The following PIK3R4 variants were observed in gnomAD, a reference collection of about 807,000 sequenced individuals.
PIK3R4 encodes the protein phosphoinositide-3-kinase regulatory subunit 4.
Under a neutral mutation model 136.5 loss-of-function variants are expected in PIK3R4, and 46 were observed. The ratio of observed to expected loss-of-function variants is 0.34; its 90% CI spans 0.27 to 0.43. The LOEUF (loss-of-function observed/expected upper bound fraction) is 0.43. Among genes scored for constraint, PIK3R4 ranks in the 20% least tolerant of loss-of-function variants. The probability of loss-of-function intolerance (pLI) is 1.00; values close to 1 mark genes in which losing one functional copy is unlikely to be tolerated. For synonymous variants in PIK3R4, 557 were observed against 566.7 expected, an observed-to-expected ratio of 0.98 and a Z score of 0.24; for missense variants, 1,331 against 1,649.5, an observed-to-expected ratio of 0.81 and a Z score of 3.35.
chr3:130,741,639 T>G (rs76975882), intron 2 of PIK3R4, among the ~76,000 whole-genome samples: 3,673 of 152,232 alleles, frequency 0.024, 138 homozygotes, highest in East Asian at 0.1. Flanking sequence ...TATCTTAAAG[T>G]AGTGCCCTAC....
chr3:130,713,216 T>C (rs2066642254), intron 9 of PIK3R4, among the ~76,000 whole-genome samples: 1 of 152,212 alleles, frequency 6.6e-6, no homozygotes, highest in Admixed American at 6.5e-5. Context: ...TGGCCTGCTC[T>C]CCCTTCTACT....
intron 13 of PIK3R4, among the ~76,000 whole-genome samples, chr3:130,694,682 TTTAA>T (rs2066536648): frequency 6.6e-6 from 1 of 152,136 alleles, no homozygotes; most frequent in African/African-American, 2.4e-5. Flanking sequence ...ACAATTATTG[TTTAA>T]TTATTGCTAA....
chr3:130,743,815 C>G (rs1179940518), intron 2 of PIK3R4, among the ~76,000 whole-genome samples: 3 of 152,234 alleles, frequency 2.0e-5, no homozygotes, highest in Non-Finnish European at 4.4e-5. Flanking sequence ...AAAATTCACT[C>G]TCCATGCTCC....
At chr3:130,737,937 A>G (rs1426677078) in intron 2 of PIK3R4, among the ~76,000 whole-genome samples, 1 of 152,250 alleles carries the variant, frequency 6.6e-6, no homozygotes, top group Non-Finnish European at 1.5e-5. Context: ...TCAAAAAATC[A>G]TAAGCTGAAC....
Position 130,744,628 on chromosome 3 carries a change from A to G in PIK3R4, c.591T>C (p.Ile197=). ...CACCATCAACAAAACGTTCAGGAGC[A>G]ATATAGCAAGTTCTCCTCCGTGATG... ...FDTSRRRTCY[I]APERFVDGGM... Residue 197 remains isoleucine (I), a synonymous_variant, in exon 2 of 20, where the codon ATT becomes ATC. Transcript: ENST00000356763. The G allele has an allele frequency of 6.2e-7, 1 of 1,614,264 alleles. No individual in the cohort carries two copies. The highest frequency in any genetic ancestry group is 8.5e-7 in the Non-Finnish European group (1 of 1,180,058).
At chr3:130,736,333 C>G (rs1013571773) in intron 2 of PIK3R4, among the ~76,000 whole-genome samples, 1 of 152,168 alleles carries the variant, frequency 6.6e-6, no homozygotes, top group African/African-American at 2.4e-5. Flanking sequence ...CTTTGGGAGG[C>G]CAAGGCCAGC....
intron 1 of PIK3R4, among the ~76,000 whole-genome samples, chr3:130,745,950 G>C (rs907363797): frequency 1.3e-5 from 2 of 151,852 alleles, no homozygotes; most frequent in Non-Finnish European, 2.9e-5. Flanking sequence ...AACCCAGGAC[G>C]CAGAGGTTGC....
chr3:130,738,552 C>A lies in PIK3R4; in HGVS notation c.734-2550G>T, dbSNP rs59450367. The stretch of plus-strand genomic sequence containing the variant: ...GTAAGAGCAAAGTGTCAAAGACAAT[C>A]TAATGGCAACGAGCACTAGATAGAG... On this transcript the variant is annotated intron_variant, in intron 2 of 19. Coordinates refer to ENST00000356763, the MANE Select transcript of PIK3R4 (RefSeq NM_014602.3). Among the ~76,000 whole-genome samples, 1,105 of 152,210 alleles carry A rather than the reference C, an allele frequency of 7.3e-3. 14 individuals are homozygous for A. The highest frequency in any genetic ancestry group is 0.025 in the African/African-American group (1,050 of 41,508).
chr3:130,743,529 A>G (rs532209024), intron 2 of PIK3R4, among the ~76,000 whole-genome samples: 30 of 152,294 alleles, frequency 2.0e-4, no homozygotes, highest in African/African-American at 5.3e-4. Context: ...AGACCTCATC[A>G]TCTTCCCAAC....
intron 3 of PIK3R4, among the ~76,000 whole-genome samples, chr3:130,735,247 T>C (rs1474395989): frequency 1.3e-5 from 2 of 152,162 alleles, no homozygotes; most frequent in African/African-American, 4.8e-5. Flanking sequence ...CACACCACAA[T>C]CTTTTCCATG....
At chr3:130,684,519 T>A (rs917489210) in intron 15 of PIK3R4, 138 bp from the exon 16 acceptor site, 1 of 704,112 alleles carries the variant, frequency 1.4e-6, no homozygotes, top group African/African-American at 1.8e-5. Context: ...AAAGTTTTGT[T>A]CTCATGAAGC....
intron 14 of PIK3R4, among the ~76,000 whole-genome samples, chr3:130,688,569 A>G (rs993198316): frequency 6.6e-6 from 1 of 152,230 alleles, no homozygotes; most frequent in African/African-American, 2.4e-5. Context: ...TTAATTAGCA[A>G]AATGCATTTA....
chr3:130,707,422 T>C (rs1363761982), intron 10 of PIK3R4, among the ~76,000 whole-genome samples: 1 of 152,206 alleles, frequency 6.6e-6, no homozygotes, highest in Admixed American at 6.5e-5. Context: ...CCACTATATC[T>C]AGTGAATAGT....
intron 11 of PIK3R4, among the ~76,000 whole-genome samples, chr3:130,705,974 AT>A (rs11322794): frequency 0.21 from 31,234 of 152,052 alleles, 3,472 homozygotes; most frequent in South Asian, 0.36. Flanking sequence ...CTACATTTCC[AT>A]TTTTTATATA....
intron 2 of PIK3R4, among the ~76,000 whole-genome samples, chr3:130,738,689 TA>T (rs200880715): frequency 0.014 from 1,867 of 129,730 alleles, 20 homozygotes; most frequent in East Asian, 0.066. Flanking sequence ...AAGAAATGCT[TA>T]AAAAAAAAAA....
chr3:130,707,233 T>C, intron 10 of PIK3R4, 98 bp from the exon 11 acceptor site: 1 of 661,350 alleles, frequency 1.5e-6, no homozygotes, highest in Non-Finnish European at 2.5e-6. Context: ...GAGGCAGGGA[T>C]AGCAATACAC....
chr3:130,746,122 T>C (rs2066851985), intron 1 of PIK3R4, among the ~76,000 whole-genome samples, 196 bp downstream of exon 1: 1 of 152,000 alleles, frequency 6.6e-6, no homozygotes, highest in Admixed American at 6.5e-5. Context: ...CTAATTCCAG[T>C]GTGCCCTCTC....
At chr3:130,721,255 T>C (rs2066698504) in intron 7 of PIK3R4, among the ~76,000 whole-genome samples, 2 of 149,904 alleles carry the variant, frequency 1.3e-5, no homozygotes, top group African/African-American at 4.9e-5. Context: ...GAGAATGGCG[T>C]GAACCTGGGA....
intron 6 of PIK3R4, among the ~76,000 whole-genome samples, chr3:130,724,536 T>C (rs1450390011): frequency 6.6e-6 from 1 of 152,094 alleles, no homozygotes; most frequent in Admixed American, 6.5e-5. Context: ...TTCATTGTGT[T>C]ATAGAACAGA....
Sources: gnomAD v4.1 joint callset for allele counts (sites outside exome capture counted in the v4.1 genomes callset) on GRCh38, gnomAD v4.1.1 for gene constraint, MANE v1.5 for transcripts, NCBI Gene and HGNC (gene_info 2026-07-23, HGNC 2026-07-21) for gene names.